HDGFL3: variants seen among roughly 807,000 people sequenced by gnomAD.
The protein encoded by HDGFL3 is HDGF like 3.
A neutral mutation model predicts 27.6 loss-of-function variants in HDGFL3; 6 were observed. That is an observed-to-expected ratio of 0.22 (90% CI 0.12 to 0.43). The LOEUF is 0.43. Among genes scored for constraint, HDGFL3 ranks in the 20% least tolerant of loss-of-function variants. The pLI, the probability that HDGFL3 is intolerant of heterozygous loss-of-function variation, is 1.00. For missense variants in HDGFL3, 207 were observed against 250.1 expected (o/e 0.83, Z 1.16); for synonymous variants, 88 against 88.9 (o/e 0.99, Z 0.05).
intron 1 of HDGFL3, among the ~76,000 whole-genome samples, chr15:83,199,911 T>G (rs935417835): frequency 9.9e-5 from 15 of 151,246 alleles, no homozygotes; most frequent in Non-Finnish European, 1.6e-4. Flanking sequence ...CCGGGCATGG[T>G]GGTGGGCACC....
intron 1 of HDGFL3, among the ~76,000 whole-genome samples, chr15:83,190,432 A>G (rs1001532798): frequency 2.0e-5 from 3 of 152,208 alleles, no homozygotes; most frequent in African/African-American, 7.2e-5. Flanking sequence ...TCAGTATTGT[A>G]TAAGAGTTTC....
downstream of HDGFL3, chr15:83,127,304 C>T: frequency 3.4e-6 from 5 of 1,481,676 alleles, no homozygotes; most frequent in Non-Finnish European, 4.5e-6. Flanking sequence ...ACTTTTTAGT[C>T]AGGCCAAGTT....
chr15:83,171,417 T>G (rs906760947), intron 1 of HDGFL3, among the ~76,000 whole-genome samples: 1 of 152,118 alleles, frequency 6.6e-6, no homozygotes, highest in African/African-American at 2.4e-5. Flanking sequence ...GAAAACAAAT[T>G]GTTCTACCAA....
At chr15:83,176,104 A>G (rs958397188) in intron 1 of HDGFL3, among the ~76,000 whole-genome samples, 1 of 152,200 alleles carries the variant, frequency 6.6e-6, no homozygotes, top group African/African-American at 2.4e-5. Flanking sequence ...TCAACTGGGA[A>G]GAAAAGCCCT....
chr15:83,151,102 G>T, intron 5 of HDGFL3, 113 bp downstream of exon 5: 1 of 993,176 alleles, frequency 1.0e-6, no homozygotes. Context: ...AATAGGCTGA[G>T]AATACTTCTC....
rs543908405 is a variant in HDGFL3 at position 83,143,401 on chromosome 15, G to A, written c.607-4126C>T. The stretch of plus-strand genomic sequence containing the variant: ...GGAGTTCGAGACCAGCCTGGCCAAC[G>A]TGGTGAAATCCTAACTACGAAAAAC... On this transcript the variant is annotated intron_variant, in intron 5 of 5. Transcript: ENST00000299633. Among the ~76,000 whole-genome samples the A allele has an allele frequency of 4.6e-5, 7 of 152,138 alleles. No homozygotes were observed. The East Asian group carries it at 5.9e-4, about 13-fold the overall frequency.
At chr15:83,199,814 G>C (rs985677966) in intron 1 of HDGFL3, among the ~76,000 whole-genome samples, 2 of 147,322 alleles carry the variant, frequency 1.4e-5, no homozygotes, top group East Asian at 4.1e-4. Flanking sequence ...AGGCCGAGGC[G>C]GGTGGATCAC....
At chr15:83,126,363 T>C (rs2035752325), downstream of HDGFL3, among the ~76,000 whole-genome samples, 1 of 152,186 alleles carries the variant, frequency 6.6e-6, no homozygotes. Flanking sequence ...TATTTTCAAA[T>C]CTTGCAATGC....
rs1298144002 is a variant in HDGFL3 at position 83,133,530 on chromosome 15, TTTAGAA to T, written c.*5734_*5739del. 1 of 152,212 alleles carries T rather than the reference TTTAGAA, an allele frequency of 6.6e-6. No homozygotes were observed. Among genetic ancestry groups the T allele is most frequent in the Non-Finnish European group, 1.5e-5 (1 of 68,036 alleles). 9.4% of individuals were successfully genotyped at this position (152,212 alleles called of 1,614,324 possible). A position where few individuals can be genotyped will look rare whatever the true frequency, so the allele number is the denominator to read the frequency against. The stretch of plus-strand genomic sequence containing the variant: ...AATTATTTCTGTAAGGTGAAAATGA[TTTAGAA>T]TGAAGTGGAAGAAAAATTATTAGGG... On this transcript the variant is annotated 3_prime_UTR_variant, in exon 6 of 6. Transcript: ENST00000299633.
intron 1 of HDGFL3, among the ~76,000 whole-genome samples, chr15:83,188,368 A>G (rs1181641482): frequency 2.0e-5 from 3 of 152,156 alleles, no homozygotes; most frequent in Non-Finnish European, 4.4e-5. Context: ...CTCGCGCCTC[A>G]GCCTCCTGAG....
chr15:83,164,136 TTCTGATA>T, intron 1 of HDGFL3, 61 bp from the exon 2 acceptor site: 25 of 979,690 alleles, frequency 2.6e-5, no homozygotes, highest in Non-Finnish European at 3.8e-5. Flanking sequence ...GTGAGCATTG[TTCTGATA>T]ATTTACTGCT....
intron 5 of HDGFL3, among the ~76,000 whole-genome samples, chr15:83,145,443 C>G (rs1160845502): frequency 6.6e-6 from 1 of 152,138 alleles, no homozygotes; most frequent in Non-Finnish European, 1.5e-5. Context: ...GGCAGTGCTG[C>G]CTCTTTCCCT....
At chr15:83,115,634 G>T (rs2034588670) in exon 4 of HDGFL3, 1 of 680,154 alleles carries the variant, frequency 1.5e-6, no homozygotes, top group South Asian at 1.5e-5. Context: ...CCCTTGATGA[G>T]AGTACTTAGG....
chr15:83,163,113 T>C (rs945719268), intron 2 of HDGFL3, among the ~76,000 whole-genome samples: 1 of 152,194 alleles, frequency 6.6e-6, no homozygotes, highest in African/African-American at 2.4e-5. Flanking sequence ...TGATGTACAG[T>C]AAGTCCACAC....
chr15:83,132,931 G>A lies in HDGFL3; in HGVS notation c.*6339C>T, dbSNP rs1200501818. ...CACAGTAAAAAGGTCAAAAGGTCAA[G>A]AGAATCTAAAAACAAAGGGCCCAGA... On this transcript the variant is annotated 3_prime_UTR_variant, in exon 6 of 6. Coordinates refer to ENST00000299633, the MANE Select transcript of HDGFL3 (RefSeq NM_016073.4). 1.3e-5 allele frequency: 2 copies of A among 152,178 alleles called. No homozygotes were observed. Among genetic ancestry groups the A allele is most frequent in the Non-Finnish European group, 1.5e-5 (1 of 68,036 alleles). 9.4% of individuals were successfully genotyped at this position (152,178 alleles called of 1,614,324 possible). A position where few individuals can be genotyped will look rare whatever the true frequency, so the allele number is the denominator to read the frequency against.
chr15:83,144,981 GC>G, intron 5 of HDGFL3: 1 of 156,498 alleles, frequency 6.4e-6, no homozygotes, highest in Non-Finnish European at 1.4e-5. Context: ...GGAACTCCAA[GC>G]ATTCTAGATA....
chr15:83,135,017 A>T lies in HDGFL3; in HGVS notation c.*4253T>A, dbSNP rs978374868. 4.6e-5 allele frequency: 7 copies of T among 152,264 alleles called. No homozygotes were observed. The East Asian group carries it at 1.2e-3, about 25-fold the overall frequency. The allele number at this position is 152,264 out of a possible 1,614,324, so 9.4% of individuals were successfully genotyped here. A position where few individuals can be genotyped will look rare whatever the true frequency, so the allele number is the denominator to read the frequency against. On this transcript the variant is annotated 3_prime_UTR_variant, in exon 6 of 6. Coordinates refer to ENST00000299633, the MANE Select transcript of HDGFL3 (RefSeq NM_016073.4). ...TTCTGCCTGGGCATCTACCCAGGGG[A>T]GTTGTATCTGAGGGCCGAGTCCTCT...
intron 3 of HDGFL3, chr15:83,119,526 C>T: frequency 6.3e-7 from 1 of 1,579,030 alleles, no homozygotes; most frequent in South Asian, 1.1e-5. Flanking sequence ...GTCTGATGTT[C>T]TGCATTTACA....
At chr15:83,206,000 A>G (rs2037711009) in intron 1 of HDGFL3, among the ~76,000 whole-genome samples, 1 of 152,192 alleles carries the variant, frequency 6.6e-6, no homozygotes, top group African/African-American at 2.4e-5. Flanking sequence ...CCTAGAGATG[A>G]TTTTATAGTT....
Sources: allele counts gnomAD v4.1 joint callset (sites outside exome capture counted in the v4.1 genomes callset), GRCh38; gene constraint gnomAD v4.1.1; transcripts MANE v1.5; gene names NCBI Gene and HGNC (gene_info 2026-07-23, HGNC 2026-07-21).